The following FBXO38 variants were observed in gnomAD, a reference collection of about 807,000 sequenced individuals.
FBXO38 encodes the protein F-box only protein 38.
A neutral mutation model predicts 131.9 loss-of-function variants in FBXO38; 53 were observed. The observed-to-expected ratio is 0.40, with a 90% CI of 0.32 to 0.51. FBXO38 has a LOEUF of 0.51. Among genes scored for constraint, FBXO38 ranks in the 20% least tolerant of loss-of-function variants. The pLI, the probability that FBXO38 is intolerant of heterozygous loss-of-function variation, is 0.53. For synonymous variants in FBXO38, 452 were observed against 505.6 expected, an observed-to-expected ratio of 0.89 and a Z score of 1.42; for missense variants, 1,076 against 1,475.6, an observed-to-expected ratio of 0.73 and a Z score of 4.44.
rs1311678353 is a variant in FBXO38, at chr5:148,427,783, A to G, written c.2489A>G (p.His830Arg). The change falls in exon 15 of 22, where the codon CAT becomes CGT. Residue 830 changes from histidine to arginine, a missense_variant. By Grantham distance (29) the His-to-Arg change is conservative. This residue lies in a region of FBXO38 where 213 missense variants were observed against 225.2 expected (regional missense o/e 0.95). Coordinates refer to ENST00000340253, the MANE Select transcript of FBXO38 (RefSeq NM_205836.3). ...LPQGGSSGPAHDERTNGSGSG... is the reference protein window; with the variant it reads ...LPQGGSSGPARDERTNGSGSG... ...CAAGGGGGGTCTTCAGGCCCAGCACATGATGAGAGGACTAATGGGAGTGGC... is the reference window on the plus strand; with the variant it reads ...CAAGGGGGGTCTTCAGGCCCAGCACGTGATGAGAGGACTAATGGGAGTGGC... The G allele has an allele frequency of 5.6e-6, 9 of 1,611,128 alleles. No homozygotes were observed. In the South Asian group the frequency reaches 9.9e-5, roughly 18 times the overall value.
intron 10 of FBXO38, among the ~76,000 whole-genome samples, chr5:148,415,580 T>G (rs73795098): frequency 6.6e-6 from 1 of 152,314 alleles, no homozygotes; most frequent in African/African-American, 2.4e-5. Context: ...TATTAAGCTC[T>G]CCTTAATTCT....
intron 15 of FBXO38, among the ~76,000 whole-genome samples, chr5:148,428,333 G>A (rs563157361): frequency 4.6e-5 from 7 of 152,158 alleles, no homozygotes; most frequent in Non-Finnish European, 8.8e-5. Flanking sequence ...TGCTGGGGCT[G>A]GGGGAACACA....
At position 148,439,709 on chromosome 5, in the gene FBXO38, T is replaced by C. The variant is rs756045013; in HGVS notation, c.3087T>C (p.Ile1029=). The C allele has an allele frequency of 6.2e-7, 1 of 1,611,784 alleles. No individual in the cohort carries two copies. Among genetic ancestry groups the C allele is most frequent in the Non-Finnish European group, 8.5e-7 (1 of 1,179,884 alleles). The part of the protein sequence containing the change: ...FSGPYPYHIC[I]IHEFSNPPNV... The stretch of plus-strand genomic sequence containing the variant: ...GTCCCTACCCCTATCACATCTGTAT[T>C]ATCCATGAATTCAGTAACCCTCCCA... Residue 1029 remains isoleucine, a synonymous_variant, in exon 19 of 22, where the codon ATT becomes ATC. Transcript: ENST00000340253.
In FBXO38 at chr5:148,441,619, G is replaced by T. The variant is rs114167181; in HGVS notation, c.3389-350G>T. On this transcript the variant is annotated intron_variant, in intron 21 of 21. Transcript: ENST00000340253. ...ACTTATAATTTAGGTGTAGAAATTA[G>T]GGGAGAAATTTTTGAATGTAGTTTC... 6.4e-3 allele frequency: 1,312 copies of T among 204,526 alleles called. 22 individuals are homozygous for T. The highest frequency in any genetic ancestry group is 0.029 in the African/African-American group (1,244 of 43,584). 12.7% of individuals were successfully genotyped at this position (204,526 alleles called of 1,614,324 possible). A position where few individuals can be genotyped will look rare whatever the true frequency, so the allele number is the denominator to read the frequency against.
intron 13 of FBXO38, among the ~76,000 whole-genome samples, 178 bp from the exon 14 acceptor site, chr5:148,425,344 G>A (rs569472887): frequency 1.5e-3 from 225 of 152,276 alleles, no homozygotes; most frequent in Middle Eastern, 3.4e-3. Flanking sequence ...TAATGGTTTA[G>A]AGTTGAGTTG....
intron 5 of FBXO38, 121 bp downstream of exon 5, chr5:148,402,634 A>T: frequency 1.1e-6 from 1 of 870,648 alleles, no homozygotes; most frequent in Non-Finnish European, 1.7e-6. Context: ...TTGCAAAATA[A>T]ATGTTTGCAA....
chr5:148,413,843 A>T (rs7728004), intron 9 of FBXO38: 2 of 252,330 alleles, frequency 7.9e-6, no homozygotes, highest in Non-Finnish European at 7.5e-6. Flanking sequence ...AGTATGATAG[A>T]TCCTTCACTT....
chr5:148,425,039 A>G (rs1346090204), intron 13 of FBXO38, among the ~76,000 whole-genome samples: 1 of 152,246 alleles, frequency 6.6e-6, no homozygotes, highest in Non-Finnish European at 1.5e-5. Flanking sequence ...TATCTGCTAC[A>G]TCTAATGAGA....
intron 3 of FBXO38, 46 bp from the exon 4 acceptor site, chr5:148,401,936 T>C: frequency 6.6e-7 from 1 of 1,525,906 alleles, no homozygotes; most frequent in Non-Finnish European, 8.9e-7. Context: ...TAAATGTTAA[T>C]GAACAGAAAG....
chr5:148,430,870 A>G (rs544213539), intron 15 of FBXO38: 2 of 152,354 alleles, frequency 1.3e-5, no homozygotes, highest in South Asian at 4.1e-4. Context: ...CTGTATAACA[A>G]TTTATAAATA....
chr5:148,416,067 C>T lies in FBXO38; in HGVS notation c.1404C>T (p.Pro468=). The change falls in exon 11 of 22, where the codon CCC becomes CCT. Residue 468 remains proline, a synonymous_variant. Coordinates refer to ENST00000340253, the MANE Select transcript of FBXO38 (RefSeq NM_205836.3). ...TGGATCAGATGTTTCGTGAACCACC[C>T]AAGGTAAGATACATTTGAGGGAGTT... The part of the protein sequence containing the change: ...ISLDQMFREP[P]KGCARVGLSA... 1 of 1,568,364 alleles carries T rather than the reference C, an allele frequency of 6.4e-7. No individual in the cohort carries two copies. The highest frequency in any genetic ancestry group is 8.7e-7 in the Non-Finnish European group (1 of 1,155,798).
intron 8 of FBXO38, 70 bp from the exon 9 acceptor site, chr5:148,410,565 A>G: frequency 2.6e-6 from 4 of 1,528,390 alleles, no homozygotes; most frequent in Non-Finnish European, 3.6e-6. Flanking sequence ...TAATACACTT[A>G]TATTAGGAGG....
chr5:148,410,704 G>A lies in FBXO38; in HGVS notation c.1032G>A (p.Glu344=). 1.2e-6 allele frequency: 2 copies of A among 1,614,014 alleles called. No homozygotes were observed. The highest frequency in any genetic ancestry group is 1.7e-6 in the Non-Finnish European group (2 of 1,179,914). The change falls in exon 9 of 22, where the codon GAG becomes GAA. Residue 344 remains glutamate (E), a synonymous_variant. Coordinates refer to ENST00000340253, the MANE Select transcript of FBXO38 (RefSeq NM_205836.3). Reference sequence around the variant, plus strand: ...TCTTTTCTGCCCTAAAGATGGCAGAGTTGGAGTTTCCCCAGTTTGAAACCC... The same window carrying A: ...TCTTTTCTGCCCTAAAGATGGCAGAATTGGAGTTTCCCCAGTTTGAAACCC... ...DGVFSALKMA[E]LEFPQFETLH...
At chr5:148,387,232 T>C (rs1268531647) in intron 1 of FBXO38, among the ~76,000 whole-genome samples, 2 of 152,230 alleles carry the variant, frequency 1.3e-5, no homozygotes, top group African/African-American at 4.8e-5. Context: ...TCCTTTGTTG[T>C]CATTTCAATA....
chr5:148,387,910 T>G (rs1758000599), intron 1 of FBXO38, among the ~76,000 whole-genome samples: 1 of 152,148 alleles, frequency 6.6e-6, no homozygotes, highest in Admixed American at 6.5e-5. Context: ...CAGACTGGTC[T>G]CGAGCTCCTG....
chr5:148,401,547 A>G (rs1752150767), intron 3 of FBXO38, among the ~76,000 whole-genome samples: 1 of 152,184 alleles, frequency 6.6e-6, no homozygotes, highest in Non-Finnish European at 1.5e-5. Context: ...TGAGGATCAT[A>G]TCTTATTTAT....
chr5:148,436,240 G>A (rs1391085387), intron 17 of FBXO38, among the ~76,000 whole-genome samples: 1 of 151,904 alleles, frequency 6.6e-6, no homozygotes. Context: ...AGAAATGCCT[G>A]TATATGTATA....
intron 3 of FBXO38, 103 bp downstream of exon 3, chr5:148,399,235 C>A: frequency 7.4e-7 from 1 of 1,345,958 alleles, no homozygotes; most frequent in South Asian, 1.4e-5. Flanking sequence ...CAATCTAAGT[C>A]ACCTTGTAGG....
intron 12 of FBXO38, among the ~76,000 whole-genome samples, chr5:148,421,009 C>A (rs1026982311): frequency 1.3e-5 from 2 of 151,814 alleles, no homozygotes; most frequent in Non-Finnish European, 2.9e-5. Context: ...CTCTGTCACC[C>A]AGACTGGAGT....
Sources: gnomAD v4.1 joint callset for allele counts (sites outside exome capture counted in the v4.1 genomes callset) on GRCh38, gnomAD v4.1.1 for gene constraint, gnomAD v4.1.1 regional missense constraint, MANE v1.5 for transcripts, NCBI Gene and HGNC (gene_info 2026-07-23, HGNC 2026-07-21) for gene names.